The following SH3RF3 variants were observed in gnomAD, a reference collection of about 807,000 sequenced individuals.
SH3RF3 encodes SH3 domain containing ring finger 3.
In SH3RF3, 29 loss-of-function variants were observed where a neutral mutation model predicts 66.3. The ratio of observed to expected loss-of-function variants is 0.44; its 90% CI spans 0.33 to 0.60. The LOEUF is 0.60. Among genes scored for constraint, SH3RF3 ranks in the 20% least tolerant of loss-of-function variants. The probability of loss-of-function intolerance (pLI) is 0.04; values close to 1 mark genes in which losing one functional copy is unlikely to be tolerated. For synonymous variants in SH3RF3, 583 were observed against 532.0 expected, an observed-to-expected ratio of 1.10 and a Z score of -1.32; for missense variants, 1,194 against 1,190.9, an observed-to-expected ratio of 1.00 and a Z score of -0.04.
At chr2:109,154,297 G>C (rs1677287911) in intron 1 of SH3RF3, among the ~76,000 whole-genome samples, 1 of 152,172 alleles carries the variant, frequency 6.6e-6, no homozygotes, top group Admixed American at 6.5e-5. Flanking sequence ...AAGGAAGGGA[G>C]CCCCTGTTTC....
chr2:109,479,321 G>A (rs1209173229), intron 8 of SH3RF3, among the ~76,000 whole-genome samples: 2 of 152,148 alleles, frequency 1.3e-5, no homozygotes, highest in Admixed American at 1.3e-4. Context: ...TTTTGTAGAG[G>A]GGGGCTAGTG....
At chr2:109,454,548 G>A (rs1343552178) in intron 8 of SH3RF3, among the ~76,000 whole-genome samples, 1 of 152,194 alleles carries the variant, frequency 6.6e-6, no homozygotes, top group Non-Finnish European at 1.5e-5. Flanking sequence ...GACTTCTGTG[G>A]AGCCCTCTCC....
intron 2 of SH3RF3, among the ~76,000 whole-genome samples, chr2:109,351,910 G>C (rs1682847428): frequency 6.6e-6 from 1 of 152,192 alleles, no homozygotes; most frequent in Non-Finnish European, 1.5e-5. Flanking sequence ...TCAAAAGTAT[G>C]GGAAGTCTTA....
intron 5 of SH3RF3, among the ~76,000 whole-genome samples, chr2:109,424,478 A>T (rs1573240502): frequency 6.6e-6 from 1 of 151,962 alleles, no homozygotes; most frequent in Non-Finnish European, 1.5e-5. Flanking sequence ...CAGATACTGC[A>T]TTTTTTTTAC....
intron 3 of SH3RF3, among the ~76,000 whole-genome samples, chr2:109,398,187 C>T (rs1285008398): frequency 6.6e-6 from 1 of 152,200 alleles, no homozygotes; most frequent in Non-Finnish European, 1.5e-5. Context: ...GGCTGGGAAC[C>T]TGCTGTCATG....
intron 1 of SH3RF3, among the ~76,000 whole-genome samples, chr2:109,233,945 A>G (rs1370867537): frequency 2.6e-5 from 4 of 152,218 alleles, no homozygotes; most frequent in Non-Finnish European, 5.9e-5. Flanking sequence ...TTGCATATCC[A>G]TTTAACACTG....
At chr2:109,291,253 T>C (rs563089106) in intron 1 of SH3RF3, among the ~76,000 whole-genome samples, 15 of 151,908 alleles carry the variant, frequency 9.9e-5, no homozygotes, top group Non-Finnish European at 1.3e-4. Flanking sequence ...CAGAAGGCTG[T>C]TGGGAGAAAA....
rs79207464 is a variant in SH3RF3 at position 109,498,428 on chromosome 2, G to C, written c.2481-3075G>C. On this transcript the variant is annotated intron_variant, in intron 9 of 9. Coordinates refer to ENST00000309415, the MANE Select transcript of SH3RF3 (RefSeq NM_001099289.3). The stretch of plus-strand genomic sequence containing the variant: ...TGCCCAGGGGCTGTGCACTCCATAG[G>C]ACTGGGCCTTGGTCTCCTGTCTGCA... 5.3e-5 allele frequency among the ~76,000 whole-genome samples: 8 copies of C among 152,282 alleles called. No individual in the cohort carries two copies. In the East Asian group the frequency reaches 1.5e-3, roughly 29 times the overall value.
chr2:109,367,884 A>C (rs1279630067), intron 2 of SH3RF3, among the ~76,000 whole-genome samples: 1 of 152,206 alleles, frequency 6.6e-6, no homozygotes, highest in East Asian at 1.9e-4. Flanking sequence ...GGAATCACCG[A>C]ACTGCCTGCC....
At chr2:109,295,341 T>G (rs563925095) in intron 1 of SH3RF3, among the ~76,000 whole-genome samples, 35 of 152,290 alleles carry the variant, frequency 2.3e-4, no homozygotes, top group African/African-American at 7.9e-4. Flanking sequence ...GGTTAAACAA[T>G]TGCTCAAGTC....
chr2:109,348,931 C>T (rs964625469), intron 2 of SH3RF3, among the ~76,000 whole-genome samples: 5 of 152,174 alleles, frequency 3.3e-5, no homozygotes, highest in African/African-American at 1.2e-4. Context: ...TCCCTTATGT[C>T]GGCCTCACTG....
At chr2:109,328,633 C>T (rs530286959) in intron 1 of SH3RF3, among the ~76,000 whole-genome samples, 18 of 152,314 alleles carry the variant, frequency 1.2e-4, no homozygotes, top group African/African-American at 4.3e-4. Context: ...ATGCCTAGGT[C>T]ATGGTACTGA....
In SH3RF3 at chr2:109,227,342, G is replaced by A. The variant is rs563493745; in HGVS notation, c.573+97229G>A. On this transcript the variant is annotated intron_variant, in intron 1 of 9. Transcript: ENST00000309415. ...CCATGCCAGAAAGTCACAATACTAA[G>A]GGACTTCTCAAGTCCTGGTTCTCAG... 4.0e-5 allele frequency among the ~76,000 whole-genome samples: 6 copies of A among 151,856 alleles called. No homozygotes were observed. In the South Asian group the frequency reaches 1.2e-3, roughly 31 times the overall value.
chr2:109,279,977 T>G (rs1416796194), intron 1 of SH3RF3, among the ~76,000 whole-genome samples: 1 of 152,088 alleles, frequency 6.6e-6, no homozygotes, highest in East Asian at 1.9e-4. Context: ...ACACACCCCC[T>G]GGGCCACGGT....
At chr2:109,168,037 C>T (rs546320514) in intron 1 of SH3RF3, among the ~76,000 whole-genome samples, 10 of 152,308 alleles carry the variant, frequency 6.6e-5, no homozygotes, top group Admixed American at 2.6e-4. Context: ...CTGTTCTGTG[C>T]AAAGTCTCTG....
intron 4 of SH3RF3, among the ~76,000 whole-genome samples, chr2:109,400,640 G>T (rs1285847475): frequency 1.3e-5 from 2 of 151,834 alleles, no homozygotes; most frequent in African/African-American, 4.8e-5. Flanking sequence ...ACATACACCC[G>T]TGCACACATG....
At chr2:109,298,246 A>G (rs1474786250) in intron 1 of SH3RF3, among the ~76,000 whole-genome samples, 1 of 152,184 alleles carries the variant, frequency 6.6e-6, no homozygotes, top group Non-Finnish European at 1.5e-5. Flanking sequence ...AGGCAGGAGC[A>G]TGATCTCAGC....
chr2:109,484,897 T>C (rs13387325), intron 8 of SH3RF3, among the ~76,000 whole-genome samples: 4 of 152,178 alleles, frequency 2.6e-5, no homozygotes, highest in African/African-American at 9.7e-5. Flanking sequence ...GACAACTATC[T>C]CCCCAGTCTC....
At chr2:109,452,847 T>TGGGAGGCTGGTCCC (rs1182930940) in intron 8 of SH3RF3, among the ~76,000 whole-genome samples, 1 of 118,476 alleles carries the variant, frequency 8.4e-6, no homozygotes, top group Admixed American at 8.4e-5. Flanking sequence ...GGCTGGTCCC[T>TGGGAGGCTGGTCCC]GGGAGGCTGG....
Sources: allele counts gnomAD v4.1 joint callset (sites outside exome capture counted in the v4.1 genomes callset), GRCh38; gene constraint gnomAD v4.1.1; transcripts MANE v1.5; gene names NCBI Gene and HGNC (gene_info 2026-07-23, HGNC 2026-07-21).